The following BICC1 variants were observed in gnomAD, a reference collection of about 807,000 sequenced individuals.
The protein encoded by BICC1 is protein bicaudal C homolog 1.
In BICC1, 43 loss-of-function variants were observed where a neutral mutation model predicts 111.0. That is an observed-to-expected ratio of 0.39 (90% CI 0.30 to 0.50). BICC1 has a LOEUF of 0.50. Ranked by LOEUF, BICC1 falls within the 20% of genes least tolerant of loss-of-function variation. The pLI, the probability that BICC1 is intolerant of heterozygous loss-of-function variation, is 0.88. For missense variants in BICC1, 1,091 were observed against 1,203.2 expected (o/e 0.91, Z 1.38); for synonymous variants, 467 against 434.4 (o/e 1.07, Z -0.93).
chr10:58,816,898 C>G (rs990623961), intron 18 of BICC1, among the ~76,000 whole-genome samples: 1 of 151,948 alleles, frequency 6.6e-6, no homozygotes, highest in African/African-American at 2.4e-5. Context: ...AAATCAGTTG[C>G]AGAACCAAGG....
intron 2 of BICC1, among the ~76,000 whole-genome samples, chr10:58,701,782 T>C (rs983638477): frequency 6.6e-6 from 1 of 152,198 alleles, no homozygotes; most frequent in Non-Finnish European, 1.5e-5. Flanking sequence ...GTTGGGTTAA[T>C]TACTTGTTCA....
chr10:58,774,084 A>G (rs982949415), intron 3 of BICC1, among the ~76,000 whole-genome samples: 2 of 152,142 alleles, frequency 1.3e-5, no homozygotes, highest in Admixed American at 6.5e-5. Flanking sequence ...TTCACTAACT[A>G]TTTGCCCTCT....
At chr10:58,638,845 TTTTC>T (rs1838028880) in intron 2 of BICC1, among the ~76,000 whole-genome samples, 1 of 490 alleles carries the variant, frequency 2.0e-3, no homozygotes, top group African/African-American at 2.9e-3. Flanking sequence ...TTCTTTTTTC[TTTTC>T]TTTTCTTTTC....
At chr10:58,774,481 A>T (rs1028332082) in intron 3 of BICC1, among the ~76,000 whole-genome samples, 1 of 152,220 alleles carries the variant, frequency 6.6e-6, no homozygotes, top group Non-Finnish European at 1.5e-5. Context: ...CTTTTAAGAT[A>T]TGAGTATTTT....
At chr10:58,684,616 G>A (rs1447375229) in intron 2 of BICC1, among the ~76,000 whole-genome samples, 2 of 152,168 alleles carry the variant, frequency 1.3e-5, no homozygotes, top group Non-Finnish European at 2.9e-5. Context: ...GGGTGTATGT[G>A]TCAAGGAATT....
At chr10:58,724,652 G>C (rs1431147110) in intron 3 of BICC1, among the ~76,000 whole-genome samples, 1 of 152,174 alleles carries the variant, frequency 6.6e-6, no homozygotes, top group Non-Finnish European at 1.5e-5. Context: ...CTCTGCCCCA[G>C]TAGTTATGCT....
rs150773506 is a variant in BICC1 at position 58,682,320 on chromosome 10, A to G, written c.238-19754A>G. On this transcript the variant is annotated intron_variant, in intron 2 of 20. Transcript: ENST00000373886. Reference sequence around the variant, plus strand: ...CTTTGCTATTGTGAATAGTGCCACAATAGACATACATGTGCATTTATCTTG... The same window carrying G: ...CTTTGCTATTGTGAATAGTGCCACAGTAGACATACATGTGCATTTATCTTG... 4.3e-3 allele frequency among the ~76,000 whole-genome samples: 659 copies of G among 152,246 alleles called. 6 individuals are homozygous for G. Among genetic ancestry groups the G allele is most frequent in the African/African-American group, 9.1e-3 (380 of 41,548 alleles).
chr10:58,697,545 G>A (rs986404695), intron 2 of BICC1, among the ~76,000 whole-genome samples: 5 of 152,090 alleles, frequency 3.3e-5, no homozygotes, highest in Non-Finnish European at 4.4e-5. Context: ...TCTTCTCAGC[G>A]GTTTTGTAGC....
chr10:58,623,685 A>C lies in BICC1; in HGVS notation c.237+2784A>C, dbSNP rs114115644. ...TCTAAGACATATCTGGATTGTCCCT[A>C]AGCATGACCTTCATCTCCGTTGTTG... is the stretch of plus-strand genomic sequence containing the variant. On this transcript the variant is annotated intron_variant, in intron 2 of 20. Transcript: ENST00000373886. Among the ~76,000 whole-genome samples, 652 of 152,214 alleles carry C rather than the reference A, an allele frequency of 4.3e-3. 3 individuals are homozygous for C. The highest frequency in any genetic ancestry group is 0.014 in the African/African-American group (594 of 41,540).
intron 1 of BICC1, among the ~76,000 whole-genome samples, chr10:58,540,394 CAA>C (rs1842931599): frequency 1.3e-5 from 2 of 150,920 alleles, no homozygotes; most frequent in African/African-American, 2.4e-5. Context: ...AAGAAGAAAA[CAA>C]AGACTCAAAT....
At chr10:58,663,118 G>C (rs1302357802) in intron 2 of BICC1, among the ~76,000 whole-genome samples, 1 of 144,626 alleles carries the variant, frequency 6.9e-6, no homozygotes, top group East Asian at 2.0e-4. Flanking sequence ...CCAGGCTGCA[G>C]TGCAGTGGCA....
chr10:58,780,285 C>T (rs1410268960), intron 3 of BICC1, among the ~76,000 whole-genome samples: 1 of 152,176 alleles, frequency 6.6e-6, no homozygotes, highest in Non-Finnish European at 1.5e-5. Flanking sequence ...GAAATTTTCC[C>T]TGTAAACAGA....
chr10:58,806,881 G>T, intron 16 of BICC1, 123 bp from the exon 17 acceptor site: 1 of 904,894 alleles, frequency 1.1e-6, no homozygotes, highest in Non-Finnish European at 1.7e-6. Context: ...GACATTTTGT[G>T]TTAAGAAATA....
chr10:58,603,233 A>T (rs953685065), intron 1 of BICC1, among the ~76,000 whole-genome samples: 1 of 152,158 alleles, frequency 6.6e-6, no homozygotes, highest in Non-Finnish European at 1.5e-5. Context: ...CTCTGTAATC[A>T]TGGGGTTAAG....
At chr10:58,513,986 A>C (rs1842173406) in intron 1 of BICC1, among the ~76,000 whole-genome samples, 1 of 152,150 alleles carries the variant, frequency 6.6e-6, no homozygotes. Flanking sequence ...CTTGAGTTAC[A>C]TTCAGTCCAT....
chr10:58,742,551 C>T (rs1841703632), intron 3 of BICC1, among the ~76,000 whole-genome samples: 1 of 151,388 alleles, frequency 6.6e-6, no homozygotes, highest in Non-Finnish European at 1.5e-5. Context: ...AGCTCTCCTG[C>T]CCCAGCCTCC....
chr10:58,549,698 T>G lies in BICC1; in HGVS notation c.190+36365T>G, dbSNP rs565575280. Among the ~76,000 whole-genome samples, 42 of 151,778 alleles carry G rather than the reference T, an allele frequency of 2.8e-4. 1 individual carries two copies. Among genetic ancestry groups the G allele is most frequent in the Middle Eastern group, 3.4e-3 (1 of 294 alleles). On this transcript the variant is annotated intron_variant, in intron 1 of 20. Coordinates refer to ENST00000373886, the MANE Select transcript of BICC1 (RefSeq NM_001080512.3). ...TTGTTTGTTTGTTTTTTTCTTTTTT[T>G]TTTTTGAGATGAAGTCTCACTCTGT... is the stretch of plus-strand genomic sequence containing the variant.
rs190572969 is a variant in BICC1, at chr10:58,796,551, G to T, written c.1366+25G>T. On this transcript the variant is annotated intron_variant, in intron 10 of 20. Coordinates refer to ENST00000373886, the MANE Select transcript of BICC1 (RefSeq NM_001080512.3). ...GGTATACAATTTATTATTACAGCGC[G>T]TCTCAGTCACTGGGGAAATGCTTGT... 18 of 1,579,490 alleles carry T rather than the reference G, an allele frequency of 1.1e-5. No homozygotes were observed. In the Admixed American group the frequency reaches 1.3e-4, roughly 11 times the overall value.
Position 58,798,412 on chromosome 10 carries a change from C to T in BICC1, c.1380C>T (p.Pro460=). Residue 460 remains proline (P), a synonymous_variant, in exon 11 of 21, where the codon CCC becomes CCT. Transcript: ENST00000373886. The part of the protein sequence containing the change: ...LGLTGLGLLG[P]TTLSLNTSTT... ...CATTTATTACAGGTCTTTTGGGACCCACCACCTTATCTCTGAACACTTCAA... is the reference window on the plus strand; with the variant it reads ...CATTTATTACAGGTCTTTTGGGACCTACCACCTTATCTCTGAACACTTCAA... 6.3e-7 allele frequency: 1 copy of T among 1,581,842 alleles called. No homozygotes were observed. The highest frequency in any genetic ancestry group is 8.6e-7 in the Non-Finnish European group (1 of 1,166,424).
Sources: gnomAD v4.1 joint callset for allele counts (sites outside exome capture counted in the v4.1 genomes callset) on GRCh38, gnomAD v4.1.1 for gene constraint, MANE v1.5 for transcripts, NCBI Gene and HGNC (gene_info 2026-07-23, HGNC 2026-07-21) for gene names.